Variants in AUTS2 observed in about 807,000 individuals in gnomAD.
The protein encoded by AUTS2 is autism susceptibility gene 2 protein.
A neutral mutation model predicts 112.4 loss-of-function variants in AUTS2; 17 were observed. The ratio of observed to expected loss-of-function variants is 0.15; its 90% CI spans 0.10 to 0.23. The LOEUF (loss-of-function observed/expected upper bound fraction) is 0.23. Ranked by LOEUF, AUTS2 falls within the 10% of genes least tolerant of loss-of-function variation. The pLI is 1.00. For missense variants in AUTS2, 1,510 were observed against 1,701.6 expected, an observed-to-expected ratio of 0.89 and a Z score of 1.98; for synonymous variants, 751 against 702.7, an observed-to-expected ratio of 1.07 and a Z score of -1.09.
chr7:69,899,705 G>A (rs1053512748), intron 2 of AUTS2, among the ~76,000 whole-genome samples: 3 of 152,218 alleles, frequency 2.0e-5, no homozygotes, highest in African/African-American at 7.2e-5. Context: ...TCAGCATGGT[G>A]CCCTTTCAGT....
chr7:70,234,344 C>T (rs541572691), intron 4 of AUTS2, among the ~76,000 whole-genome samples: 112 of 152,240 alleles, frequency 7.4e-4, no homozygotes, highest in African/African-American at 2.2e-3. Flanking sequence ...TCACGTTTCT[C>T]TTCACTTCCT....
chr7:70,661,007 C>T (rs2129542820), intron 5 of AUTS2, among the ~76,000 whole-genome samples: 1 of 152,238 alleles, frequency 6.6e-6, no homozygotes, highest in South Asian at 2.1e-4. Flanking sequence ...ATGTCACACC[C>T]TGCAATTACC....
chr7:70,489,266 A>G (rs1412187682), intron 5 of AUTS2, among the ~76,000 whole-genome samples: 1 of 152,256 alleles, frequency 6.6e-6, no homozygotes. Flanking sequence ...AAAAGGAACA[A>G]CTGGATGAAT....
intron 4 of AUTS2, among the ~76,000 whole-genome samples, chr7:70,343,672 C>T (rs1791372843): frequency 6.6e-6 from 1 of 152,082 alleles, no homozygotes; most frequent in African/African-American, 2.4e-5. Flanking sequence ...TAAGGGAATA[C>T]AAGGGAGAGT....
chr7:70,450,196 A>G (rs1219739345), intron 5 of AUTS2, among the ~76,000 whole-genome samples: 1 of 152,212 alleles, frequency 6.6e-6, no homozygotes, highest in Non-Finnish European at 1.5e-5. Flanking sequence ...TGTCATGGGA[A>G]CTAGGGATGG....
intron 4 of AUTS2, among the ~76,000 whole-genome samples, chr7:70,308,414 TA>T (rs1398024131): frequency 6.6e-6 from 1 of 152,216 alleles, no homozygotes; most frequent in Non-Finnish European, 1.5e-5. Flanking sequence ...GCAAATTGAT[TA>T]GATCACTTCT....
intron 2 of AUTS2, among the ~76,000 whole-genome samples, chr7:70,094,613 G>GT (rs1804093089): frequency 6.6e-6 from 1 of 152,000 alleles, no homozygotes; most frequent in South Asian, 2.1e-4. Flanking sequence ...CCCTGGATTT[G>GT]TTTTTTTGTG....
chr7:70,792,218 C>G lies in AUTS2; in HGVS notation c.*1222C>G, dbSNP rs904299733. 6.6e-6 allele frequency: 1 copy of G among 152,338 alleles called. No homozygotes were observed. The highest frequency in any genetic ancestry group is 1.5e-5 in the Non-Finnish European group (1 of 68,020). 9.4% of individuals were successfully genotyped at this position (152,338 alleles called of 1,614,324 possible). On this transcript the variant is annotated 3_prime_UTR_variant, in exon 19 of 19. Transcript: ENST00000342771. ...TAACAGGTCAACCTTGTGGAGCCAT[C>G]GCGAGTTAGAGGGTGAAAGATGGCA...
intron 5 of AUTS2, among the ~76,000 whole-genome samples, chr7:70,592,090 T>C (rs1235684100): frequency 2.0e-5 from 3 of 152,238 alleles, no homozygotes; most frequent in South Asian, 4.1e-4. Flanking sequence ...TATATGCTCA[T>C]TGTAAAAATG....
chr7:70,450,254 G>A (rs1481640636), intron 5 of AUTS2, among the ~76,000 whole-genome samples: 1 of 152,214 alleles, frequency 6.6e-6, no homozygotes, highest in African/African-American at 2.4e-5. Context: ...TGGCCTAATT[G>A]AAGGGAAAGC....
intron 4 of AUTS2, among the ~76,000 whole-genome samples, chr7:70,285,057 T>C (rs17141352): frequency 9.9e-4 from 151 of 152,346 alleles, no homozygotes; most frequent in African/African-American, 3.5e-3. Flanking sequence ...GATACTGTAA[T>C]TTGAAAGTAG....
At chr7:70,144,487 T>G (rs1241165262) in intron 4 of AUTS2, among the ~76,000 whole-genome samples, 1 of 152,098 alleles carries the variant, frequency 6.6e-6, no homozygotes, top group Non-Finnish European at 1.5e-5. Context: ...CTAAGCATCA[T>G]GACCAAATGG....
chr7:69,675,386 T>A (rs1225767255), intron 1 of AUTS2, among the ~76,000 whole-genome samples: 1 of 152,132 alleles, frequency 6.6e-6, no homozygotes, highest in Non-Finnish European at 1.5e-5. Context: ...TAGTGAAACT[T>A]TTTAAGATTT....
At position 70,118,028 on chromosome 7, in the gene AUTS2, G is replaced by T. The variant is rs1054318985; in HGVS notation, c.523-104G>T. 3.0e-6 allele frequency: 4 copies of T among 1,348,582 alleles called. No individual in the cohort carries two copies. In the Admixed American group the frequency reaches 1.0e-4, roughly 34 times the overall value. 83.5% of individuals were successfully genotyped at this position (1,348,582 alleles called of 1,614,324 possible). A position where few individuals can be genotyped will look rare whatever the true frequency, so the allele number is the denominator to read the frequency against. On this transcript the variant is annotated intron_variant, in intron 2 of 18. Coordinates refer to ENST00000342771, the MANE Select transcript of AUTS2 (RefSeq NM_015570.4). ...CTCCGAAAGTGCTGGGATTACAGGC[G>T]TGAGCCACCGTGCCTGGCTGTTCAC...
intron 1 of AUTS2, among the ~76,000 whole-genome samples, chr7:69,838,698 A>T (rs1485429199): frequency 6.6e-6 from 1 of 152,124 alleles, no homozygotes; most frequent in Non-Finnish European, 1.5e-5. Context: ...TTAAATGGAG[A>T]TATTACTAGA....
intron 4 of AUTS2, among the ~76,000 whole-genome samples, chr7:70,224,793 G>A (rs745407262): frequency 2.2e-4 from 34 of 152,044 alleles, no homozygotes; most frequent in South Asian, 8.3e-4. Flanking sequence ...TTTTTATTAC[G>A]TCTTTTCTGA....
chr7:69,619,173 A>G (rs1418198906), intron 1 of AUTS2, among the ~76,000 whole-genome samples: 1 of 152,140 alleles, frequency 6.6e-6, no homozygotes, highest in African/African-American at 2.4e-5. Context: ...CTGGAGGGTA[A>G]TGTCCTGGGG....
chr7:70,061,644 A>C (rs1278326967), intron 2 of AUTS2, among the ~76,000 whole-genome samples: 3 of 152,204 alleles, frequency 2.0e-5, no homozygotes, highest in Non-Finnish European at 4.4e-5. Context: ...TACTCTGCTA[A>C]GTACTATATA....
intron 4 of AUTS2, among the ~76,000 whole-genome samples, chr7:70,161,943 A>T (rs991715213): frequency 6.6e-6 from 1 of 152,152 alleles, no homozygotes; most frequent in Non-Finnish European, 1.5e-5. Flanking sequence ...TTTATGTACA[A>T]TAGTTACTGG....
Sources: allele counts gnomAD v4.1 joint callset (sites outside exome capture counted in the v4.1 genomes callset), GRCh38; gene constraint gnomAD v4.1.1; transcripts MANE v1.5; gene names NCBI Gene and HGNC (gene_info 2026-07-23, HGNC 2026-07-21).